TMEM135: variants seen among roughly 807,000 people sequenced by gnomAD.
TMEM135 encodes the protein peroxisomal membrane protein 52.
In TMEM135, 30 loss-of-function variants were observed where a neutral mutation model predicts 60.3. The observed-to-expected ratio is 0.50, with a 90% CI of 0.37 to 0.68. The LOEUF (loss-of-function observed/expected upper bound fraction) is 0.68, where lower values mean the gene tolerates loss of function less well. Among genes scored for constraint, TMEM135 ranks in the 30% least tolerant of loss-of-function variants. The pLI is 0.00. For missense variants in TMEM135, 468 were observed against 548.8 expected (o/e 0.85, Z 1.47); for synonymous variants, 190 against 186.7 (o/e 1.02, Z -0.14).
intron 4 of TMEM135, among the ~76,000 whole-genome samples, chr11:87,126,391 AT>A (rs1165778769): frequency 2.6e-5 from 4 of 151,980 alleles, no homozygotes; most frequent in Non-Finnish European, 5.9e-5. Flanking sequence ...TTTATCAAAT[AT>A]TTTATAATTT....
At chr11:87,121,277 T>C (rs890088260) in intron 4 of TMEM135, 4 of 152,216 alleles carry the variant, frequency 2.6e-5, no homozygotes, top group Non-Finnish European at 4.4e-5. Context: ...AACTAATATT[T>C]ATTGTACACC....
chr11:87,249,151 G>C (rs920061088), intron 6 of TMEM135, among the ~76,000 whole-genome samples: 12 of 152,082 alleles, frequency 7.9e-5, no homozygotes, highest in African/African-American at 2.9e-4. Flanking sequence ...ATGAAAGTGG[G>C]CATCCCTGTT....
At chr11:87,248,226 A>T (rs1217339114) in intron 6 of TMEM135, among the ~76,000 whole-genome samples, 1 of 152,234 alleles carries the variant, frequency 6.6e-6, no homozygotes, top group East Asian at 1.9e-4. Flanking sequence ...TAGCAGTGAG[A>T]TTGCTGTTTC....
chr11:87,068,986 CTCTT>C (rs1251005042), intron 2 of TMEM135, among the ~76,000 whole-genome samples: 3 of 151,360 alleles, frequency 2.0e-5, no homozygotes, highest in Non-Finnish European at 2.9e-5. Flanking sequence ...GTAAGGAACT[CTCTT>C]TATCATGTGC....
intron 3 of TMEM135, among the ~76,000 whole-genome samples, chr11:87,081,222 A>C (rs1856986048): frequency 6.6e-6 from 1 of 152,006 alleles, no homozygotes; most frequent in African/African-American, 2.4e-5. Context: ...TGGTATGGCT[A>C]GGTTGAGTGA....
At chr11:87,291,913 G>A (rs773014224) in intron 6 of TMEM135, among the ~76,000 whole-genome samples, 18 of 152,048 alleles carry the variant, frequency 1.2e-4, no homozygotes, top group Non-Finnish European at 2.5e-4. Flanking sequence ...AAGTTCTTAC[G>A]TTGCCTAAAG....
intron 1 of TMEM135, among the ~76,000 whole-genome samples, 162 bp downstream of exon 1, chr11:87,038,348 C>T (rs2135098281): frequency 6.6e-6 from 1 of 151,424 alleles, no homozygotes; most frequent in South Asian, 2.1e-4. Flanking sequence ...AGGGGGAGGT[C>T]GCAAGGGAAG....
chr11:87,071,673 A>AT, intron 3 of TMEM135, 58 bp downstream of exon 3: 3 of 1,316,386 alleles, frequency 2.3e-6, no homozygotes, highest in Non-Finnish European at 3.1e-6. Context: ...CCCCAACTAT[A>AT]ATTTTTTTTT....
chr11:87,184,891 T>TA (rs1224603184), intron 5 of TMEM135, among the ~76,000 whole-genome samples: 1 of 152,160 alleles, frequency 6.6e-6, no homozygotes, highest in African/African-American at 2.4e-5. Flanking sequence ...GTTTGCTAAA[T>TA]AAAAACTTAG....
intron 6 of TMEM135, among the ~76,000 whole-genome samples, chr11:87,278,107 C>T (rs1942000202): frequency 6.6e-6 from 1 of 152,152 alleles, no homozygotes; most frequent in South Asian, 2.1e-4. Flanking sequence ...ATTCTCTTCA[C>T]TCAACTCAAG....
intron 5 of TMEM135, among the ~76,000 whole-genome samples, chr11:87,169,214 C>G (rs1301573956): frequency 6.7e-6 from 1 of 148,922 alleles, no homozygotes; most frequent in African/African-American, 2.5e-5. Flanking sequence ...TGAGATGGGA[C>G]TCCTGAACAC....
intron 3 of TMEM135, among the ~76,000 whole-genome samples, chr11:87,072,715 A>AT (rs1565429190): frequency 6.6e-6 from 1 of 152,074 alleles, no homozygotes; most frequent in Admixed American, 6.6e-5. Flanking sequence ...TTTAAAAAAA[A>AT]TTTTTTATTG....
At chr11:87,111,323 A>G (rs1363331651) in intron 4 of TMEM135, among the ~76,000 whole-genome samples, 3 of 151,912 alleles carry the variant, frequency 2.0e-5, no homozygotes, top group South Asian at 4.2e-4. Context: ...AAGCTCTTCC[A>G]TGTCTGAGAT....
chr11:87,134,364 A>G (rs1166249110), intron 4 of TMEM135, among the ~76,000 whole-genome samples: 1 of 152,224 alleles, frequency 6.6e-6, no homozygotes, highest in Non-Finnish European at 1.5e-5. Flanking sequence ...AAATACAGTT[A>G]CATTCTGAGA....
At chr11:87,049,207 A>G in intron 1 of TMEM135, among the ~76,000 whole-genome samples, 1 of 26,106 alleles carries the variant, frequency 3.8e-5, no homozygotes. Flanking sequence ...GCCACTGCAA[A>G]ATCATGCCAA....
intron 4 of TMEM135, among the ~76,000 whole-genome samples, chr11:87,114,625 C>G (rs1857832595): frequency 6.6e-6 from 1 of 152,132 alleles, no homozygotes; most frequent in South Asian, 2.1e-4. Context: ...TTTATTGATT[C>G]TGAGCTTTAT....
At chr11:87,292,902 G>A (rs1942290971) in intron 6 of TMEM135, among the ~76,000 whole-genome samples, 1 of 152,064 alleles carries the variant, frequency 6.6e-6, no homozygotes, top group African/African-American at 2.4e-5. Context: ...TGATGTTTTG[G>A]TTGGCAATTA....
intron 4 of TMEM135, among the ~76,000 whole-genome samples, chr11:87,145,615 G>A (rs1938392661): frequency 6.6e-6 from 1 of 151,606 alleles, no homozygotes. Flanking sequence ...TTTGATGAAA[G>A]CCATTCTGAC....
intron 5 of TMEM135, among the ~76,000 whole-genome samples, chr11:87,191,422 T>TA (rs1296163662): frequency 6.6e-6 from 1 of 152,090 alleles, no homozygotes; most frequent in Non-Finnish European, 1.5e-5. Flanking sequence ...TTTGTATTTT[T>TA]AGTAGAGACA....
Sources: allele counts gnomAD v4.1 joint callset (sites outside exome capture counted in the v4.1 genomes callset), GRCh38; gene constraint gnomAD v4.1.1; transcripts MANE v1.5; gene names NCBI Gene and HGNC (gene_info 2026-07-23, HGNC 2026-07-21).